SV2C: variants seen among roughly 807,000 people sequenced by gnomAD.
SV2C encodes the protein solute carrier family 22 member B3.
A neutral mutation model predicts 79.7 loss-of-function variants in SV2C; 49 were observed. That is an observed-to-expected ratio of 0.61 (90% CI 0.49 to 0.78). The LOEUF is 0.78. SV2C is among the 30% of genes least tolerant of loss of function. The pLI, the probability that SV2C is intolerant of heterozygous loss-of-function variation, is 0.00. For missense variants in SV2C, 833 were observed against 912.9 expected (o/e 0.91, Z 1.13); for synonymous variants, 334 against 333.2 (o/e 1.00, Z -0.03).
intron 12 of SV2C, among the ~76,000 whole-genome samples, chr5:76,305,901 T>G (rs1748178240): frequency 1.3e-5 from 2 of 151,956 alleles, no homozygotes; most frequent in Non-Finnish European, 2.9e-5. Flanking sequence ...CAAAAAGAGG[T>G]GGGAGGGGAC....
At chr5:76,120,466 A>G (rs1748447883) in intron 1 of SV2C, among the ~76,000 whole-genome samples, 1 of 145,258 alleles carries the variant, frequency 6.9e-6, no homozygotes, top group African/African-American at 2.7e-5. Context: ...TGCTGCACCC[A>G]TTAACTCGTC....
chr5:76,019,948 A>G, the SV2C span, among the ~76,000 whole-genome samples: 1 of 152,200 alleles, frequency 6.6e-6, no homozygotes, highest in Non-Finnish European at 1.5e-5. Flanking sequence ...TTGGCATGTC[A>G]TTAGATTAAG....
chr5:75,961,308 T>A, the SV2C span, among the ~76,000 whole-genome samples: 1 of 152,016 alleles, frequency 6.6e-6, no homozygotes, highest in Non-Finnish European at 1.5e-5. Flanking sequence ...ATTCATAAAT[T>A]ATTGTCTATT....
At chr5:76,335,772 A>C (rs992592353), downstream of SV2C, among the ~76,000 whole-genome samples, 7 of 152,226 alleles carry the variant, frequency 4.6e-5, no homozygotes, top group African/African-American at 7.2e-5. Context: ...ACAAGGCAGA[A>C]GAATTTTTCT....
chr5:76,182,017 T>A (rs945553425), intron 2 of SV2C, among the ~76,000 whole-genome samples: 1 of 152,156 alleles, frequency 6.6e-6, no homozygotes, highest in African/African-American at 2.4e-5. Context: ...TTAGACCTTC[T>A]CCAGGACTGT....
the SV2C span, among the ~76,000 whole-genome samples, chr5:76,065,699 C>T: frequency 2.6e-5 from 4 of 152,058 alleles, no homozygotes; most frequent in Non-Finnish European, 4.4e-5. Context: ...TAATTTAATG[C>T]TTTATGTTAT....
At chr5:75,892,470 C>T in the SV2C span, among the ~76,000 whole-genome samples, 6 of 151,550 alleles carry the variant, frequency 4.0e-5, no homozygotes, top group African/African-American at 1.2e-4. Flanking sequence ...AGCACATGTA[C>T]AGGTTTGTTA....
downstream of SV2C, among the ~76,000 whole-genome samples, chr5:76,337,053 C>G (rs1749344095): frequency 6.6e-6 from 1 of 152,128 alleles, no homozygotes; most frequent in Non-Finnish European, 1.5e-5. Flanking sequence ...TTGTTGATAT[C>G]TGATGCAATG....
intron 8 of SV2C, among the ~76,000 whole-genome samples, chr5:76,295,451 A>G (rs1251960709): frequency 6.6e-6 from 1 of 152,220 alleles, no homozygotes; most frequent in Non-Finnish European, 1.5e-5. Flanking sequence ...GTTCCAACAC[A>G]TAAGTTTTGG....
chr5:75,997,694 A>G, the SV2C span, among the ~76,000 whole-genome samples: 1 of 152,116 alleles, frequency 6.6e-6, no homozygotes, highest in East Asian at 1.9e-4. Context: ...GGAAACAACA[A>G]GTGCTGGAGA....
chr5:76,033,147 G>A, the SV2C span, among the ~76,000 whole-genome samples: 1,484 of 151,978 alleles, frequency 9.8e-3, 27 homozygotes, highest in African/African-American at 0.03. Context: ...CTGGATATTA[G>A]CCCTTTGTCA....
chr5:76,349,646 A>G (rs558901969), intron 12 of SV2C, among the ~76,000 whole-genome samples: 1 of 152,118 alleles, frequency 6.6e-6, no homozygotes, highest in Non-Finnish European at 1.5e-5. Context: ...GAACACATGG[A>G]AAGAGATGGA....
chr5:75,974,740 G>A, the SV2C span, among the ~76,000 whole-genome samples: 1 of 152,178 alleles, frequency 6.6e-6, no homozygotes, highest in East Asian at 1.9e-4. Flanking sequence ...TTTGCATTTT[G>A]GCTTTCCACT....
At chr5:76,231,000 G>T (rs192674914) in intron 4 of SV2C, among the ~76,000 whole-genome samples, 9 of 152,266 alleles carry the variant, frequency 5.9e-5, no homozygotes, top group African/African-American at 2.2e-4. Flanking sequence ...TAAGTAATTT[G>T]CAAAAGCCAA....
At chr5:75,991,062 C>T in the SV2C span, among the ~76,000 whole-genome samples, 1 of 151,902 alleles carries the variant, frequency 6.6e-6, no homozygotes, top group Non-Finnish European at 1.5e-5. Flanking sequence ...AGGATTTGTA[C>T]ATAACATCCT....
At chr5:75,962,818 T>G in the SV2C span, among the ~76,000 whole-genome samples, 1 of 151,892 alleles carries the variant, frequency 6.6e-6, no homozygotes, top group Non-Finnish European at 1.5e-5. Flanking sequence ...CTAAACCACA[T>G]AGACTGAGAA....
At chr5:76,014,187 A>G in the SV2C span, among the ~76,000 whole-genome samples, 18 of 144,320 alleles carry the variant, frequency 1.2e-4, no homozygotes, top group East Asian at 4.4e-4. Context: ...AAAGAAAGAA[A>G]GAAGGAAAGA....
intron 4 of SV2C, among the ~76,000 whole-genome samples, chr5:76,233,509 T>A (rs1264424180): frequency 7.0e-6 from 1 of 143,792 alleles, no homozygotes; most frequent in East Asian, 1.9e-4. Flanking sequence ...GGCATCCCTG[T>A]CTTGTGCCAG....
the SV2C span, among the ~76,000 whole-genome samples, chr5:75,857,902 T>G: frequency 1.3e-5 from 2 of 152,222 alleles, no homozygotes; most frequent in African/African-American, 4.8e-5. Flanking sequence ...TTTCTTTTCC[T>G]AATTGTTCAC....
Sources: gnomAD v4.1 joint callset for allele counts (sites outside exome capture counted in the v4.1 genomes callset) on GRCh38, gnomAD v4.1.1 for gene constraint, MANE v1.5 for transcripts, NCBI Gene and HGNC (gene_info 2026-07-23, HGNC 2026-07-21) for gene names.